Variants in STRN3 observed in about 807,000 individuals in gnomAD.
STRN3 encodes the protein striatin 3.
Under a neutral mutation model 95.6 loss-of-function variants are expected in STRN3, and 29 were observed. The observed-to-expected ratio is 0.30, with a 90% CI of 0.23 to 0.41. The LOEUF is 0.41. Among genes scored for constraint, STRN3 ranks in the 10% least tolerant of loss-of-function variants. The probability of loss-of-function intolerance (pLI) is 1.00; values close to 1 mark genes in which losing one functional copy is unlikely to be tolerated. For synonymous variants in STRN3, 331 were observed against 357.6 expected, an observed-to-expected ratio of 0.93 and a Z score of 0.84; for missense variants, 890 against 972.1, an observed-to-expected ratio of 0.92 and a Z score of 1.12.
chr14:30,933,103 C>T (rs1175414048), intron 7 of STRN3, among the ~76,000 whole-genome samples: 3 of 150,910 alleles, frequency 2.0e-5, no homozygotes, highest in Admixed American at 6.6e-5. Context: ...GGCCAAACTC[C>T]GTCTCTACAA....
chr14:30,938,296 AAAC>A (rs1195271511), intron 5 of STRN3, among the ~76,000 whole-genome samples: 2 of 152,190 alleles, frequency 1.3e-5, no homozygotes, highest in Non-Finnish European at 2.9e-5. Flanking sequence ...AAATTAGTAA[AAAC>A]AACCACAAAT....
intron 8 of STRN3, among the ~76,000 whole-genome samples, chr14:30,922,841 G>T (rs537258306): frequency 9.3e-6 from 1 of 107,046 alleles, no homozygotes; most frequent in Non-Finnish European, 2.0e-5. Flanking sequence ...GTGACTCTTC[G>T]GTTTTAAAAA....
intron 9 of STRN3, among the ~76,000 whole-genome samples, chr14:30,916,926 A>G (rs1896754909): frequency 6.6e-6 from 1 of 152,234 alleles, no homozygotes; most frequent in South Asian, 2.1e-4. Context: ...AACTTAGTCC[A>G]GGTAACAGAT....
intron 1 of STRN3, among the ~76,000 whole-genome samples, chr14:30,989,581 C>T (rs903089538): frequency 6.6e-6 from 1 of 152,112 alleles, no homozygotes; most frequent in Admixed American, 6.5e-5. Context: ...CTGCCTCAGC[C>T]TCCCGAGTAG....
chr14:30,996,077 G>C (rs1882185452), intron 1 of STRN3, among the ~76,000 whole-genome samples: 1 of 152,162 alleles, frequency 6.6e-6, no homozygotes, highest in Admixed American at 6.5e-5. Context: ...TTATCCCTCA[G>C]TTTATTTTCC....
intron 8 of STRN3, among the ~76,000 whole-genome samples, chr14:30,927,244 G>A (rs1254413403): frequency 6.6e-6 from 1 of 151,970 alleles, no homozygotes; most frequent in Non-Finnish European, 1.5e-5. Context: ...GGACAGGAGA[G>A]TTTGAGGCTA....
intron 1 of STRN3, among the ~76,000 whole-genome samples, chr14:30,972,367 G>C (rs1288942471): frequency 6.6e-6 from 1 of 152,132 alleles, no homozygotes; most frequent in Non-Finnish European, 1.5e-5. Context: ...AGTCAACAGG[G>C]GAATGACACA....
chr14:30,968,997 A>T (rs935626967), intron 1 of STRN3, among the ~76,000 whole-genome samples: 1 of 152,236 alleles, frequency 6.6e-6, no homozygotes, highest in African/African-American at 2.4e-5. Flanking sequence ...TAAAACATTA[A>T]TTGTAAAGGA....
At position 30,905,422 on chromosome 14, in the gene STRN3, A is replaced by G. The variant is rs746839649; in HGVS notation, c.2025T>C (p.Asp675=). The change falls in exon 15 of 18, where the codon GAT becomes GAC. Residue 675 remains aspartate (D), a synonymous_variant. Coordinates refer to ENST00000357479, the MANE Select transcript of STRN3 (RefSeq NM_001083893.2). ...QSLVILSSQV[D]SGLQSNNHIN... is the part of the protein sequence containing the mutation. ...AGAAACTCCATGAAAACTTACCAGAATCTACCTGTGATGAAAGTATCACCA... is the reference window on the plus strand; with the variant it reads ...AGAAACTCCATGAAAACTTACCAGAGTCTACCTGTGATGAAAGTATCACCA... The G allele has an allele frequency of 1.3e-6, 2 of 1,598,620 alleles. No individual in the cohort carries two copies. The highest frequency in any genetic ancestry group is 1.7e-6 in the Non-Finnish European group (2 of 1,174,762).
In STRN3 at chr14:30,993,227, C is replaced by G. The variant is rs1353553997; in HGVS notation, c.282+32677G>C. ...CTATGATCCCACCACTCCCTTACAG[C>G]CTGGGTGACAAAGTGAGACACTGTC... On this transcript the variant is annotated intron_variant, in intron 1 of 17. Coordinates refer to ENST00000357479, the MANE Select transcript of STRN3 (RefSeq NM_001083893.2). Among the ~76,000 whole-genome samples the G allele has an allele frequency of 3.4e-5, 5 of 148,014 alleles. No homozygotes were observed. The Admixed American group carries it at 3.4e-4, about 10-fold the overall frequency.
At chr14:30,963,546 C>T (rs1346200870) in intron 1 of STRN3, among the ~76,000 whole-genome samples, 1 of 152,134 alleles carries the variant, frequency 6.6e-6, no homozygotes, top group African/African-American at 2.4e-5. Flanking sequence ...GTAGCTGGGA[C>T]TACAGGCACA....
intron 8 of STRN3, among the ~76,000 whole-genome samples, chr14:30,923,382 T>C (rs1037361847): frequency 6.6e-6 from 1 of 152,240 alleles, no homozygotes; most frequent in East Asian, 1.9e-4. Context: ...AAAAGAAATG[T>C]TGAAAAAGTT....
intron 8 of STRN3, among the ~76,000 whole-genome samples, chr14:30,924,622 T>C (rs1001966453): frequency 2.6e-5 from 4 of 151,932 alleles, no homozygotes; most frequent in Non-Finnish European, 4.4e-5. Flanking sequence ...CTTTTGGAGG[T>C]TGAGGTGAGA....
At chr14:30,954,518 C>T (rs1019984617) in intron 3 of STRN3, among the ~76,000 whole-genome samples, 2 of 152,080 alleles carry the variant, frequency 1.3e-5, no homozygotes, top group Non-Finnish European at 1.5e-5. Context: ...TACTTCTGCC[C>T]ATCCCTTTGT....
intron 1 of STRN3, among the ~76,000 whole-genome samples, chr14:30,960,696 CG>C (rs1443074855): frequency 2.0e-5 from 3 of 151,716 alleles, no homozygotes; most frequent in Non-Finnish European, 2.9e-5. Context: ...GGTGAAACCC[CG>C]CCTCTACTAA....
At position 30,963,234 on chromosome 14, in the gene STRN3, T is replaced by C. The variant is rs1880301308; in HGVS notation, c.283-6992A>G. The stretch of plus-strand genomic sequence containing the variant: ...TCAATACCCCACTCTAAATAATGGA[T>C]AGAACCACCAGACAAATGGTAAGGA... On this transcript the variant is annotated intron_variant, in intron 1 of 17. Transcript: ENST00000357479. Among the ~76,000 whole-genome samples, 3 of 152,054 alleles carry C rather than the reference T, an allele frequency of 2.0e-5. No homozygotes were observed. The South Asian group carries it at 6.2e-4, about 32-fold the overall frequency.
chr14:30,991,036 T>A (rs965487949), intron 1 of STRN3, among the ~76,000 whole-genome samples: 3 of 152,186 alleles, frequency 2.0e-5, no homozygotes, highest in Non-Finnish European at 4.4e-5. Flanking sequence ...CACAGCTTAC[T>A]CTTGACTAAT....
intron 1 of STRN3, among the ~76,000 whole-genome samples, chr14:31,017,046 T>C (rs1352981732): frequency 1.3e-5 from 2 of 151,932 alleles, no homozygotes; most frequent in Non-Finnish European, 2.9e-5. Flanking sequence ...TCCTAGCTAC[T>C]CAGGAGGCTG....
At chr14:30,950,699 G>A (rs1377870212) in intron 4 of STRN3, among the ~76,000 whole-genome samples, 164 bp downstream of exon 4, 2 of 151,794 alleles carry the variant, frequency 1.3e-5, no homozygotes, top group East Asian at 1.9e-4. Context: ...AAACTCAGAG[G>A]AAACAAACTT....
Sources: gnomAD v4.1 joint callset for allele counts (sites outside exome capture counted in the v4.1 genomes callset) on GRCh38, gnomAD v4.1.1 for gene constraint, MANE v1.5 for transcripts, NCBI Gene and HGNC (gene_info 2026-07-23, HGNC 2026-07-21) for gene names.